Variants in YAE1 observed in about 807,000 individuals in gnomAD.
YAE1 encodes the protein protein YAE1 homolog.
In YAE1, 22 loss-of-function variants were observed where a neutral mutation model predicts 23.0. The observed-to-expected ratio is 0.96, with a 90% confidence interval of 0.68 to 1.37. The LOEUF is 1.37. YAE1 is among the 40% of genes most tolerant of loss of function. The pLI, the probability that YAE1 is intolerant of heterozygous loss-of-function variation, is 0.00. For synonymous variants in YAE1, 101 were observed against 97.0 expected, an observed-to-expected ratio of 1.04 and a Z score of -0.24; for missense variants, 260 against 262.1, an observed-to-expected ratio of 0.99 and a Z score of 0.06.
chr7:39,577,923 C>T (rs1197601483), intron 2 of YAE1, among the ~76,000 whole-genome samples: 1 of 152,194 alleles, frequency 6.6e-6, no homozygotes, highest in East Asian at 1.9e-4. Context: ...ATACACCAGT[C>T]AGCACTCTGT....
chr7:39,578,148 TA>T (rs1790684726), intron 2 of YAE1, among the ~76,000 whole-genome samples: 1 of 151,254 alleles, frequency 6.6e-6, no homozygotes, highest in African/African-American at 2.4e-5. Flanking sequence ...TGGAGGATTG[TA>T]AATGCACCAA....
intron 2 of YAE1, among the ~76,000 whole-genome samples, chr7:39,592,022 T>C (rs903359795): frequency 6.6e-6 from 1 of 152,236 alleles, no homozygotes; most frequent in African/African-American, 2.4e-5. Context: ...GATAGCTCAT[T>C]TCTTTTTAGC....
chr7:39,580,488 T>C (rs1249504741), intron 2 of YAE1, among the ~76,000 whole-genome samples: 1 of 152,214 alleles, frequency 6.6e-6, no homozygotes, highest in African/African-American at 2.4e-5. Flanking sequence ...CTGCGGAAGT[T>C]GAATCCTGGT....
chr7:39,572,931 T>C, downstream of YAE1: 2 of 1,110,870 alleles, frequency 1.8e-6, no homozygotes, highest in East Asian at 4.4e-5. Context: ...TGGTCAGAAA[T>C]TTCTACTGTC....
chr7:39,570,205 C>A, intron 1 of YAE1: 2 of 647,488 alleles, frequency 3.1e-6, no homozygotes, highest in South Asian at 3.9e-5. Context: ...CCATGTCTGC[C>A]GCTTGCCCAC....
At position 39,572,549 on chromosome 7, in the gene YAE1, A is replaced by G. The variant is rs767147083; in HGVS notation, c.524A>G (p.His175Arg). 6.8e-6 allele frequency: 11 copies of G among 1,614,070 alleles called. No homozygotes were observed. The South Asian group carries it at 1.1e-4, about 16-fold the overall frequency. ...AEFNKNCSKS[H>R]SGIDCSYVEC... ...TTTAACAAAAACTGTAGCAAGAGCC[A>G]TAGTGGGATAGATTGTTCATATGTA... Residue 175 changes from histidine to arginine, a missense_variant, in exon 3 of 3, where the codon CAT becomes CGT. His to Arg is a conservative substitution (Grantham distance 29). Transcript: ENST00000223273.
At chr7:39,608,763 G>T (rs564983055) in intron 2 of YAE1, among the ~76,000 whole-genome samples, 1 of 152,268 alleles carries the variant, frequency 6.6e-6, no homozygotes, top group East Asian at 1.9e-4. Context: ...ACTGATAAGG[G>T]ATCCACCAAT....
chr7:39,602,658 C>T (rs111921911), intron 2 of YAE1, among the ~76,000 whole-genome samples: 4,932 of 152,318 alleles, frequency 0.032, 124 homozygotes, highest in Admixed American at 0.07. Flanking sequence ...TTCCTCTCTA[C>T]GTTGTTTCTT....
intron 2 of YAE1, among the ~76,000 whole-genome samples, chr7:39,595,434 C>T (rs1790960969): frequency 6.6e-6 from 1 of 151,044 alleles, no homozygotes; most frequent in African/African-American, 2.4e-5. Flanking sequence ...GCCAGAAGAG[C>T]TGGTAAACAC....
chr7:39,573,421 C>T (rs1348871019), downstream of YAE1, among the ~76,000 whole-genome samples: 1 of 152,152 alleles, frequency 6.6e-6, no homozygotes, highest in Non-Finnish European at 1.5e-5. Context: ...TTCATATTCA[C>T]ATAGGAGTAA....
downstream of YAE1, among the ~76,000 whole-genome samples, chr7:39,573,573 A>G (rs1423884292): frequency 6.6e-6 from 1 of 152,198 alleles, no homozygotes; most frequent in African/African-American, 2.4e-5. Flanking sequence ...CACCTGAAAC[A>G]CAAGTTTATA....
At chr7:39,584,336 G>A (rs946025533) in intron 2 of YAE1, among the ~76,000 whole-genome samples, 2 of 152,196 alleles carry the variant, frequency 1.3e-5, no homozygotes, top group South Asian at 2.1e-4. Flanking sequence ...AATAGTTATG[G>A]GGAGGAGATG....
At chr7:39,575,641 T>A (rs1199777649), downstream of YAE1, among the ~76,000 whole-genome samples, 1 of 151,974 alleles carries the variant, frequency 6.6e-6, no homozygotes, top group African/African-American at 2.4e-5. Flanking sequence ...ACAGAAATTC[T>A]CAAATCTCTG....
chr7:39,584,665 T>G (rs542515073), intron 2 of YAE1, among the ~76,000 whole-genome samples: 154 of 152,166 alleles, frequency 1.0e-3, no homozygotes, highest in Non-Finnish European at 1.9e-3. Flanking sequence ...TTGAGGACTT[T>G]TATACAGGGA....
At chr7:39,570,722 C>A in intron 2 of YAE1, 95 bp downstream of exon 2, 1 of 1,446,740 alleles carries the variant, frequency 6.9e-7, no homozygotes, top group Non-Finnish European at 9.2e-7. Context: ...AAATGCTTTT[C>A]CTGGTGCTAA....
chr7:39,610,072 C>T, exon 3 of YAE1: 1 of 1,434,360 alleles, frequency 7.0e-7, no homozygotes, highest in Non-Finnish European at 9.1e-7. Flanking sequence ...GCAGGTTTCT[C>T]CTGGGTGAAG....
chr7:39,593,902 G>A (rs1790941059), intron 2 of YAE1, among the ~76,000 whole-genome samples: 1 of 152,116 alleles, frequency 6.6e-6, no homozygotes, highest in South Asian at 2.1e-4. Context: ...AGCATTCTGT[G>A]GTTGGTCTCT....
Position 39,585,451 on chromosome 7 carries a change from C to T in YAE1, c.251+14824C>T, listed in dbSNP as rs558190974. ...AAACCACGTGAGAACACAGGGAAAG[C>T]GGCCATCTGCAAGCCAAGGAGAGGG... On this transcript the variant is annotated intron_variant, in intron 2 of 2. Transcript: ENST00000432096. Among the ~76,000 whole-genome samples the T allele has an allele frequency of 1.3e-3, 205 of 152,222 alleles. 1 individual carries two copies. Among genetic ancestry groups the T allele is most frequent in the African/African-American group, 4.8e-3 (199 of 41,532 alleles).
intron 1 of YAE1, chr7:39,570,038 G>A (rs957541988): frequency 3.4e-5 from 47 of 1,365,910 alleles, no homozygotes; most frequent in East Asian, 2.8e-4. Context: ...AGGGCACCAC[G>A]GGGCATAAAA....
Sources: allele counts gnomAD v4.1 joint callset (sites outside exome capture counted in the v4.1 genomes callset), GRCh38; gene constraint gnomAD v4.1.1; transcripts MANE v1.5; gene names NCBI Gene and HGNC (gene_info 2026-07-23, HGNC 2026-07-21).